Variants in TPX2 observed in about 807,000 individuals in gnomAD.
The protein encoded by TPX2 is targeting protein for Xklp2.
A neutral mutation model predicts 93.6 loss-of-function variants in TPX2; 21 were observed. The ratio of observed to expected loss-of-function variants is 0.22; its 90% confidence interval spans 0.16 to 0.32. TPX2 has a LOEUF of 0.32. TPX2 is among the 10% of genes least tolerant of loss of function. TPX2 has a pLI of 1.00. For missense variants in TPX2, 776 were observed against 871.1 expected (o/e 0.89, Z 1.37); for synonymous variants, 281 against 298.3 (o/e 0.94, Z 0.60).
intron 2 of TPX2, among the ~76,000 whole-genome samples, chr20:31,749,655 C>G (rs1310478653): frequency 6.6e-6 from 1 of 151,698 alleles, no homozygotes; most frequent in Non-Finnish European, 1.5e-5. Context: ...ATTAGTTGGG[C>G]ATGGTGGCAG....
At position 31,760,192 on chromosome 20, in the gene TPX2, C is replaced by T. The variant is rs981449085; in HGVS notation, c.229+13C>T. ...CCTTTGAAACCAGGTAAGAAAACAT[C>T]TTAGAAAAAAGCTCCTTGATAGAAT... is the stretch of plus-strand genomic sequence containing the variant. On this transcript the variant is annotated intron_variant, in intron 4 of 17. Transcript: ENST00000300403. 6.2e-7 allele frequency: 1 copy of T among 1,612,022 alleles called. No homozygotes were observed. The highest frequency in any genetic ancestry group is 8.5e-7 in the Non-Finnish European group (1 of 1,179,340).
chr20:31,753,231 G>A (rs2122967292), intron 2 of TPX2, among the ~76,000 whole-genome samples: 1 of 152,268 alleles, frequency 6.6e-6, no homozygotes, highest in Middle Eastern at 3.4e-3. Flanking sequence ...AGGTAAGAGG[G>A]CAGAAGGATG....
rs749864787 is a variant in TPX2 at position 31,771,704 on chromosome 20, A to G, written c.608+22A>G. The G allele has an allele frequency of 1.9e-6, 3 of 1,596,112 alleles. No homozygotes were observed. The South Asian group carries it at 3.4e-5, about 18-fold the overall frequency. On this transcript the variant is annotated intron_variant, in intron 7 of 17. Coordinates refer to ENST00000300403, the MANE Select transcript of TPX2 (RefSeq NM_012112.5). The stretch of plus-strand genomic sequence containing the variant: ...CAAAGTAAGTTTCTTTCCTGAATTT[A>G]AACTTTAGAATGAATGGTATAAAAT...
chr20:31,793,832 G>A lies in TPX2; in HGVS notation c.1510-16G>A, dbSNP rs542409302. 4 of 1,551,322 alleles carry A rather than the reference G, an allele frequency of 2.6e-6. No individual in the cohort carries two copies. In the South Asian group the frequency reaches 3.7e-5, roughly 14 times the overall value. The stretch of plus-strand genomic sequence containing the variant: ...GAGTGAGGAGTCTTATTTCTAAACT[G>A]CAATTTTTTCCCTAGGAAGAGGACG... On this transcript the variant is annotated splice_polypyrimidine_tract_variant and intron_variant, in intron 13 of 17. Transcript: ENST00000300403.
intron 5 of TPX2, among the ~76,000 whole-genome samples, chr20:31,767,803 A>G (rs370729996): frequency 2.0e-5 from 3 of 151,620 alleles, no homozygotes; most frequent in African/African-American, 7.3e-5. Flanking sequence ...CCACCCACCT[A>G]TGCCTCCCAA....
chr20:31,761,158 A>C (rs78701540), intron 4 of TPX2, among the ~76,000 whole-genome samples: 4,917 of 150,916 alleles, frequency 0.033, 116 homozygotes, highest in Admixed American at 0.081. Flanking sequence ...ACACCATATG[A>C]CTACTCTCAC....
chr20:31,786,202 C>T lies in TPX2; in HGVS notation c.1413+2281C>T, dbSNP rs115982329. Among the ~76,000 whole-genome samples, 360 of 152,050 alleles carry T rather than the reference C, an allele frequency of 2.4e-3. 2 individuals are homozygous for T. The highest frequency in any genetic ancestry group is 7.9e-3 in the African/African-American group (328 of 41,480). On this transcript the variant is annotated intron_variant, in intron 12 of 17. Transcript: ENST00000300403. ...AGGTTAAATAACTTGCCCAAAATCA[C>T]AAACTAGTGAGCGGCAGAGCTAGCA...
chr20:31,744,159 C>CTTTTTTTTTTTTTTTTTTTT (rs11465034), intron 2 of TPX2, among the ~76,000 whole-genome samples: 1 of 112,270 alleles, frequency 8.9e-6, no homozygotes. Flanking sequence ...ATTTTTTTAA[C>CTTTTTTTTTTTTTTTTTTTT]TTTTTTTTTT....
intron 2 of TPX2, among the ~76,000 whole-genome samples, chr20:31,748,926 A>G (rs753162188): frequency 1.2e-4 from 18 of 150,762 alleles, no homozygotes; most frequent in Non-Finnish European, 2.7e-4. Context: ...GACATTTGTT[A>G]TTTATCTATT....
intron 7 of TPX2, among the ~76,000 whole-genome samples, chr20:31,773,457 A>C (rs1306009157): frequency 1.4e-5 from 2 of 147,456 alleles, no homozygotes; most frequent in African/African-American, 5.0e-5. Flanking sequence ...GGCCCCGGCT[A>C]ATTTTTGTAT....
chr20:31,797,378 C>T, intron 15 of TPX2, 26 bp from the exon 16 acceptor site: 1 of 1,608,812 alleles, frequency 6.2e-7, no homozygotes, highest in Non-Finnish European at 8.5e-7. Flanking sequence ...AGACATTGCT[C>T]ATCTGACTGA....
In TPX2 at chr20:31,760,038, T is replaced by C. The variant is rs747509569; in HGVS notation, c.107-19T>C. The C allele has an allele frequency of 5.0e-6, 8 of 1,611,316 alleles. No homozygotes were observed. Among genetic ancestry groups the C allele is most frequent in the Non-Finnish European group, 5.9e-6 (7 of 1,179,292 alleles). On this transcript the variant is annotated intron_variant, in intron 3 of 17. Coordinates refer to ENST00000300403, the MANE Select transcript of TPX2 (RefSeq NM_012112.5). ...TGCTTCCTTGCTGATCAGACAATGA[T>C]GATCTTCCCTTTTCACAGAGGAGAA...
chr20:31,770,037 C>T (rs1053635172), intron 5 of TPX2, among the ~76,000 whole-genome samples: 2 of 152,112 alleles, frequency 1.3e-5, no homozygotes, highest in Non-Finnish European at 2.9e-5. Context: ...TGGCCTCAAG[C>T]AGTCCTCCTG....
At chr20:31,745,089 A>G (rs545178867) in intron 2 of TPX2, among the ~76,000 whole-genome samples, 48 of 152,344 alleles carry the variant, frequency 3.2e-4, no homozygotes, top group African/African-American at 1.1e-3. Flanking sequence ...CTCCATCTCA[A>G]AAAACAAACA....
intron 2 of TPX2, among the ~76,000 whole-genome samples, chr20:31,750,122 A>G (rs2061809637): frequency 6.7e-6 from 1 of 149,890 alleles, no homozygotes; most frequent in South Asian, 2.1e-4. Context: ...TTTTTAGTAG[A>G]GACAGGGTTT....
chr20:31,757,337 A>G (rs2122979640), intron 2 of TPX2, 70 bp from the exon 3 acceptor site: 2 of 667,732 alleles, frequency 3.0e-6, no homozygotes, highest in Admixed American at 3.0e-5. Context: ...CAAAATTACA[A>G]ACGTGGTAGT....
chr20:31,788,562 T>G (rs1435613021), intron 12 of TPX2, among the ~76,000 whole-genome samples: 1 of 152,144 alleles, frequency 6.6e-6, no homozygotes, highest in African/African-American at 2.4e-5. Flanking sequence ...GTGCTGAAGC[T>G]GTTTCGTGTG....
At chr20:31,755,331 G>A (rs1051980178) in intron 2 of TPX2, among the ~76,000 whole-genome samples, 2 of 150,924 alleles carry the variant, frequency 1.3e-5, no homozygotes, top group Admixed American at 6.6e-5. Context: ...TGATCCATCC[G>A]CCCTGGCCTC....
At position 31,766,595 on chromosome 20, in the gene TPX2, T is replaced by G. The variant is rs770358109; in HGVS notation, c.269T>G (p.Leu90Arg). ...TYYKEAEKEN[L>R]VEQSIPSNAC... The stretch of plus-strand genomic sequence containing the variant: ...TACAAAGAGGCAGAAAAAGAAAATC[T>G]TGTGGAACAATCCATTCCGTCAAAT... Residue 90 changes from leucine to arginine, a missense_variant, in exon 5 of 18, where the codon CTT becomes CGT. Physicochemically the swap from Leu to Arg is moderately radical, Grantham distance 102 (BLOSUM62 -2). Around this residue, in one of 3 missense-constraint regions of TPX2, gnomAD observed 279 missense variants for 261.6 expected, o/e 1.07. Coordinates refer to ENST00000300403, the MANE Select transcript of TPX2 (RefSeq NM_012112.5). The G allele has an allele frequency of 3.5e-5, 56 of 1,613,588 alleles. No individual in the cohort carries two copies. In the East Asian group the frequency reaches 1.2e-3, roughly 36 times the overall value.
Sources: gnomAD v4.1 joint callset for allele counts (sites outside exome capture counted in the v4.1 genomes callset) on GRCh38, gnomAD v4.1.1 for gene constraint, gnomAD v4.1.1 regional missense constraint, MANE v1.5 for transcripts, NCBI Gene and HGNC (gene_info 2026-07-23, HGNC 2026-07-21) for gene names.